Variants in TSNAX observed in about 807,000 individuals in gnomAD.
TSNAX encodes translin associated factor X.
In TSNAX, 12 loss-of-function variants were observed where a neutral mutation model predicts 33.0. That is an observed-to-expected ratio of 0.36 (90% confidence interval 0.23 to 0.59). The LOEUF (loss-of-function observed/expected upper bound fraction) is 0.59, where lower values mean the gene tolerates loss of function less well. Among genes scored for constraint, TSNAX ranks in the 20% least tolerant of loss-of-function variants. TSNAX has a pLI of 0.74. For missense variants in TSNAX, 267 were observed against 341.3 expected, an observed-to-expected ratio of 0.78 and a Z score of 1.72; for synonymous variants, 110 against 117.2, an observed-to-expected ratio of 0.94 and a Z score of 0.40.
intron 2 of TSNAX, among the ~76,000 whole-genome samples, chr1:231,531,186 G>A (rs1658686275): frequency 6.6e-6 from 1 of 151,886 alleles, no homozygotes; most frequent in Non-Finnish European, 1.5e-5. Context: ...CTTGATCTCC[G>A]AGCTCAAGCA....
At chr1:231,531,204 C>G (rs552726188) in intron 2 of TSNAX, among the ~76,000 whole-genome samples, 11 of 152,126 alleles carry the variant, frequency 7.2e-5, no homozygotes, top group Admixed American at 3.9e-4. Flanking sequence ...GCAGTCTGCC[C>G]GTCTCGGCCT....
At chr1:231,532,171 CACACACACACACACAG>C (rs1376871185) in intron 2 of TSNAX, among the ~76,000 whole-genome samples, 5 of 93,968 alleles carry the variant, frequency 5.3e-5, no homozygotes, top group African/African-American at 1.9e-4. Context: ...CACACACACA[CACACACACACACACAG>C]TTTTGGTTTT....
At chr1:231,559,060 T>C (rs1660870695) in intron 4 of TSNAX, among the ~76,000 whole-genome samples, 1 of 152,166 alleles carries the variant, frequency 6.6e-6, no homozygotes, top group African/African-American at 2.4e-5. Flanking sequence ...GTTGCTGCCA[T>C]ACCAGAAGTG....
intron 4 of TSNAX, among the ~76,000 whole-genome samples, chr1:231,549,185 C>T (rs1572129133): frequency 6.6e-6 from 1 of 152,184 alleles, no homozygotes; most frequent in Non-Finnish European, 1.5e-5. Context: ...ATGGCTCACG[C>T]CTGTAATCCC....
chr1:231,553,127 G>A (rs906528977), intron 4 of TSNAX, among the ~76,000 whole-genome samples: 1 of 152,082 alleles, frequency 6.6e-6, no homozygotes, highest in Non-Finnish European at 1.5e-5. Flanking sequence ...CGGAATTACC[G>A]AATCATATGT....
intron 1 of TSNAX, 43 bp downstream of exon 1, chr1:231,528,869 G>A: frequency 2.5e-6 from 4 of 1,613,052 alleles, no homozygotes; most frequent in Non-Finnish European, 3.4e-6. Context: ...TCCGGAGGGG[G>A]AGGTTCTCCA....
intron 5 of TSNAX, among the ~76,000 whole-genome samples, chr1:231,561,481 A>G (rs929184417): frequency 9.9e-5 from 15 of 152,188 alleles, no homozygotes; most frequent in African/African-American, 3.6e-4. Context: ...TACCTAAAGC[A>G]TTATGGAGTG....
intron 2 of TSNAX, among the ~76,000 whole-genome samples, chr1:231,533,692 TTGAC>T (rs1442812572): frequency 6.6e-6 from 1 of 152,216 alleles, no homozygotes; most frequent in Non-Finnish European, 1.5e-5. Context: ...CTGTATAGAC[TTGAC>T]TTAGATTGAC....
intron 2 of TSNAX, chr1:231,534,668 C>G (rs1262390579): frequency 6.6e-6 from 1 of 152,184 alleles, no homozygotes; most frequent in Non-Finnish European, 1.5e-5. Flanking sequence ...ATTTGCAGTT[C>G]CTTTTCAACA....
Position 231,564,664 on chromosome 1 carries a change from T to A in TSNAX, c.632T>A (p.Ile211Asn). Residue 211 changes from isoleucine (I) to asparagine (N), a missense_variant, in exon 6 of 6, where the codon ATT becomes AAT. Ile to Asn is a moderately radical substitution (Grantham distance 149). Coordinates refer to ENST00000366639, the MANE Select transcript of TSNAX (RefSeq NM_005999.3). ...ATTAACAGTGTGGGGAATGGGGACA[T>A]TGATACCCCCTTTGAAGTGAGCCAG... ...MCINSVGNGD[I>N]DTPFEVSQFL... is the part of the protein sequence containing the mutation. 9 of 1,614,138 alleles carry A rather than the reference T, an allele frequency of 5.6e-6. No individual in the cohort carries two copies. Among genetic ancestry groups the A allele is most frequent in the Non-Finnish European group, 7.6e-6 (9 of 1,180,026 alleles).
intron 2 of TSNAX, among the ~76,000 whole-genome samples, chr1:231,529,960 T>A (rs1300061745): frequency 1.3e-5 from 2 of 152,346 alleles, no homozygotes; most frequent in East Asian, 3.9e-4. Context: ...AGGGCTTAGC[T>A]GGTTGATTCC....
intron 4 of TSNAX, among the ~76,000 whole-genome samples, chr1:231,543,617 G>A (rs919322873): frequency 6.6e-6 from 1 of 152,104 alleles, no homozygotes; most frequent in African/African-American, 2.4e-5. Context: ...TGCTTAATAC[G>A]AATACCCAGT....
chr1:231,530,175 T>A (rs1172818044), intron 2 of TSNAX, among the ~76,000 whole-genome samples: 1 of 152,228 alleles, frequency 6.6e-6, no homozygotes, highest in East Asian at 1.9e-4. Flanking sequence ...TATGTCCTAA[T>A]CTCAGACATC....
intron 4 of TSNAX, among the ~76,000 whole-genome samples, chr1:231,559,397 C>T (rs984213419): frequency 3.3e-5 from 5 of 152,038 alleles, no homozygotes; most frequent in Non-Finnish European, 5.9e-5. Flanking sequence ...GGCACAATCT[C>T]GGCTCATTAC....
intron 4 of TSNAX, among the ~76,000 whole-genome samples, chr1:231,559,431 C>T (rs932510751): frequency 7.2e-5 from 11 of 152,128 alleles, no homozygotes; most frequent in African/African-American, 2.7e-4. Context: ...CGGGTTCACG[C>T]CATTCTCCTG....
At chr1:231,560,406 T>TCCTC (rs1661005140) in intron 4 of TSNAX, among the ~76,000 whole-genome samples, 1 of 32,062 alleles carries the variant, frequency 3.1e-5, no homozygotes, top group East Asian at 8.9e-4. Flanking sequence ...TTTTCTTTTC[T>TCCTC]CCCCCCCCCC....
At chr1:231,556,359 A>G (rs1303669819) in intron 4 of TSNAX, among the ~76,000 whole-genome samples, 2 of 152,240 alleles carry the variant, frequency 1.3e-5, no homozygotes, top group East Asian at 3.8e-4. Context: ...CCACTGAAAT[A>G]TGAAAAAAAA....
chr1:231,559,667 A>G (rs1024026282), intron 4 of TSNAX, among the ~76,000 whole-genome samples: 8 of 152,222 alleles, frequency 5.3e-5, no homozygotes, highest in Non-Finnish European at 7.4e-5. Flanking sequence ...AAAGTATAGT[A>G]CTGTAGACAT....
chr1:231,531,881 TA>T (rs1168024524), intron 2 of TSNAX, among the ~76,000 whole-genome samples: 1 of 152,062 alleles, frequency 6.6e-6, no homozygotes, highest in African/African-American at 2.4e-5. Flanking sequence ...ATTTGCTAAG[TA>T]AGTAGATCTT....
Sources: allele counts gnomAD v4.1 joint callset (sites outside exome capture counted in the v4.1 genomes callset), GRCh38; gene constraint gnomAD v4.1.1; transcripts MANE v1.5; gene names NCBI Gene and HGNC (gene_info 2026-07-23, HGNC 2026-07-21).